Variants in TASP1 observed in about 807,000 individuals in gnomAD.
TASP1 encodes the protein taspase 1, also known as threonine aspartase 1.
TASP1 carries 16 observed loss-of-function variants against 56.6 expected under a neutral mutation model. That is an observed-to-expected ratio of 0.28 (90% CI 0.19 to 0.43). The LOEUF (loss-of-function observed/expected upper bound fraction) is 0.43. TASP1 is among the 20% of genes least tolerant of loss of function. The pLI, the probability that TASP1 is intolerant of heterozygous loss-of-function variation, is 1.00. For synonymous variants in TASP1, 179 were observed against 184.2 expected, an observed-to-expected ratio of 0.97 and a Z score of 0.23; for missense variants, 393 against 511.6, an observed-to-expected ratio of 0.77 and a Z score of 2.24.
the TASP1 span, among the ~76,000 whole-genome samples, chr20:13,185,557 C>G: frequency 6.6e-6 from 1 of 152,064 alleles, no homozygotes; most frequent in East Asian, 1.9e-4. Flanking sequence ...AGAATTGTCC[C>G]TATTATTGAA....
chr20:13,243,712 A>G, the TASP1 span, among the ~76,000 whole-genome samples: 37,555 of 151,970 alleles, frequency 0.25, 4,688 homozygotes, highest in African/African-American at 0.3. Flanking sequence ...AGCATGCCCA[A>G]TATTTTAAGC....
chr20:13,371,798 G>A, the TASP1 span, among the ~76,000 whole-genome samples: 1 of 152,106 alleles, frequency 6.6e-6, no homozygotes, highest in Non-Finnish European at 1.5e-5. Flanking sequence ...CCTCGATCAT[G>A]TCAGTCATGT....
At chr20:13,449,242 A>G (rs2043526876) in intron 11 of TASP1, among the ~76,000 whole-genome samples, 1 of 152,120 alleles carries the variant, frequency 6.6e-6, no homozygotes, top group Non-Finnish European at 1.5e-5. Context: ...GCAGGTGAGC[A>G]ACTTGGGGTA....
chr20:13,522,719 C>G (rs2044812476), intron 10 of TASP1, among the ~76,000 whole-genome samples: 1 of 152,080 alleles, frequency 6.6e-6, no homozygotes, highest in South Asian at 2.1e-4. Flanking sequence ...ATCATCAGCA[C>G]ATAGATGGTA....
At chr20:13,492,973 G>A (rs1406709621) in intron 10 of TASP1, among the ~76,000 whole-genome samples, 1 of 152,058 alleles carries the variant, frequency 6.6e-6, no homozygotes, top group African/African-American at 2.4e-5. Context: ...CATATACTAA[G>A]TGCTTTATAC....
the TASP1 span, among the ~76,000 whole-genome samples, chr20:13,307,023 G>A: frequency 1.3e-5 from 2 of 152,138 alleles, no homozygotes; most frequent in African/African-American, 2.4e-5. Flanking sequence ...ACAGGATATT[G>A]GAGGGAGAGA....
chr20:13,608,432 G>C, intron 4 of TASP1, among the ~76,000 whole-genome samples: 1 of 152,160 alleles, frequency 6.6e-6, no homozygotes, highest in Non-Finnish European at 1.5e-5. Context: ...GGACACCATT[G>C]TACCAGGCAA....
chr20:13,137,554 T>C, the TASP1 span, among the ~76,000 whole-genome samples: 2 of 152,184 alleles, frequency 1.3e-5, no homozygotes, highest in Non-Finnish European at 2.9e-5. Context: ...AAACTGAGTG[T>C]TCTGTTCCTT....
At chr20:13,297,546 C>T in the TASP1 span, among the ~76,000 whole-genome samples, 4 of 152,164 alleles carry the variant, frequency 2.6e-5, no homozygotes, top group Non-Finnish European at 5.9e-5. Context: ...AACCTGAAGT[C>T]CTGGACTCAG....
At chr20:13,624,048 T>C (rs981884477) in intron 3 of TASP1, among the ~76,000 whole-genome samples, 4 of 152,176 alleles carry the variant, frequency 2.6e-5, no homozygotes, top group Non-Finnish European at 5.9e-5. Context: ...TATTTTGTAA[T>C]ATAAACTACA....
Position 13,566,165 on chromosome 20 carries a change from A to C in TASP1, c.568+3342T>G, listed in dbSNP as rs187954175. ...ACAAAAATGAACTAGCCAGGGACTA[A>C]ATGGAAGGCACATGGGGAGTTACTG... On this transcript the variant is annotated intron_variant, in intron 7 of 13. Coordinates refer to ENST00000337743, the MANE Select transcript of TASP1 (RefSeq NM_017714.3). Among the ~76,000 whole-genome samples, 63 of 152,312 alleles carry C rather than the reference A, an allele frequency of 4.1e-4. No homozygotes were observed. The East Asian group carries it at 0.01, about 25-fold the overall frequency.
chr20:13,475,151 C>A (rs955877229), intron 11 of TASP1, among the ~76,000 whole-genome samples: 2 of 152,126 alleles, frequency 1.3e-5, no homozygotes, highest in Non-Finnish European at 2.9e-5. Context: ...TGAATTACTT[C>A]TTAATAACTT....
chr20:13,379,331 T>C, the TASP1 span, among the ~76,000 whole-genome samples: 265 of 152,364 alleles, frequency 1.7e-3, no homozygotes, highest in Non-Finnish European at 2.8e-3. Context: ...CTTTTGCTTA[T>C]GAAGCTTAGT....
intron 9 of TASP1, among the ~76,000 whole-genome samples, chr20:13,532,729 A>G (rs2045267978): frequency 1.3e-5 from 2 of 152,244 alleles, no homozygotes; most frequent in South Asian, 4.1e-4. Context: ...TTTGCTAACC[A>G]AAACAAACAG....
chr20:13,483,920 G>T (rs971027288), intron 10 of TASP1, among the ~76,000 whole-genome samples: 4 of 152,042 alleles, frequency 2.6e-5, no homozygotes, highest in Non-Finnish European at 2.9e-5. Flanking sequence ...CTGACAAAGG[G>T]CTAATATCCA....
chr20:13,479,134 G>C (rs1042316006), intron 11 of TASP1, among the ~76,000 whole-genome samples: 2 of 152,050 alleles, frequency 1.3e-5, no homozygotes, highest in African/African-American at 4.8e-5. Flanking sequence ...ATACCAATCT[G>C]TTAGCAGTGG....
At chr20:13,252,342 A>G in the TASP1 span, among the ~76,000 whole-genome samples, 40 of 152,338 alleles carry the variant, frequency 2.6e-4, no homozygotes, top group South Asian at 1.9e-3. Flanking sequence ...TACATGAATC[A>G]TTGCTTTAAT....
intron 11 of TASP1, among the ~76,000 whole-genome samples, chr20:13,463,757 G>A (rs890954881): frequency 6.6e-6 from 1 of 152,010 alleles, no homozygotes; most frequent in Non-Finnish European, 1.5e-5. Context: ...GATGCTTAAT[G>A]TCACTAATTA....
the TASP1 span, among the ~76,000 whole-genome samples, chr20:13,340,400 T>A: frequency 1.4e-3 from 207 of 152,260 alleles, 1 homozygote; most frequent in East Asian, 0.01. Flanking sequence ...ACTGATTGGG[T>A]TTTCTGTTAT....
Sources: allele counts gnomAD v4.1 joint callset (sites outside exome capture counted in the v4.1 genomes callset), GRCh38; gene constraint gnomAD v4.1.1; transcripts MANE v1.5; gene names NCBI Gene and HGNC (gene_info 2026-07-23, HGNC 2026-07-21).